Variants in SLCO4A1 observed in about 807,000 individuals in gnomAD.
The protein encoded by SLCO4A1 is solute carrier organic anion transporter family member 4A1, also known as colon organic anion transporter.
A neutral mutation model predicts 64.6 loss-of-function variants in SLCO4A1; 51 were observed. The ratio of observed to expected loss-of-function variants is 0.79; its 90% CI spans 0.63 to 1.00. SLCO4A1 has a LOEUF of 1.00. SLCO4A1 is among the 50% of genes least tolerant of loss of function. SLCO4A1 has a pLI of 0.00. For synonymous variants in SLCO4A1, 471 were observed against 444.9 expected (o/e 1.06, Z -0.74); for missense variants, 919 against 980.5 (o/e 0.94, Z 0.84).
intron 2 of SLCO4A1, among the ~76,000 whole-genome samples, chr20:62,682,886 G>A (rs1406533889): frequency 6.6e-6 from 1 of 152,182 alleles, no homozygotes; most frequent in Non-Finnish European, 1.5e-5. Flanking sequence ...AGAGCTCTGG[G>A]GACACAGCTG....
chr20:62,654,460 G>A (rs931692594), intron 1 of SLCO4A1, among the ~76,000 whole-genome samples: 13 of 151,948 alleles, frequency 8.6e-5, no homozygotes, highest in African/African-American at 3.1e-4. Context: ...GGAGGATCCT[G>A]GGGTATCACC....
intron 1 of SLCO4A1, among the ~76,000 whole-genome samples, chr20:62,646,471 CACTT>C (rs1016963711): frequency 4.1e-4 from 62 of 152,388 alleles, no homozygotes; most frequent in African/African-American, 1.4e-3. Flanking sequence ...GTTGTGGCAT[CACTT>C]ACGCCTTCAC....
chr20:62,658,673 G>A lies in SLCO4A1; in HGVS notation c.797-4G>A, dbSNP rs754975937. 1.6e-5 allele frequency: 26 copies of A among 1,608,042 alleles called. No homozygotes were observed. Among genetic ancestry groups the A allele is most frequent in the Admixed American group, 5.0e-5 (3 of 59,514 alleles). On this transcript the variant is annotated splice_region_variant and splice_polypyrimidine_tract_variant and intron_variant, in intron 2 of 11. Transcript: ENST00000217159. Reference sequence around the variant, plus strand: ...CGGCCCTGACGCCTCTGCCTCTCTCGCAGCCATCTTCTACACAGCGGCCAT... The same window carrying A: ...CGGCCCTGACGCCTCTGCCTCTCTCACAGCCATCTTCTACACAGCGGCCAT...
At chr20:62,689,853 C>T (rs1988174668), downstream of SLCO4A1, among the ~76,000 whole-genome samples, 5 of 152,332 alleles carry the variant, frequency 3.3e-5, no homozygotes, top group South Asian at 1.0e-3. Flanking sequence ...ATGTCTGGGG[C>T]CGAGGAAGGG....
At chr20:62,684,230 C>A (rs1240546957) in intron 2 of SLCO4A1, among the ~76,000 whole-genome samples, 2 of 152,244 alleles carry the variant, frequency 1.3e-5, no homozygotes, top group African/African-American at 4.8e-5. Flanking sequence ...TTCTACTTAA[C>A]CTTTCTGTGC....
chr20:62,642,507 C>A lies in SLCO4A1; in HGVS notation c.-143C>A, dbSNP rs1260217624. ...CGCGTGGCTGCCGGGGAGGCCAGAG[C>A]GTGGAGCGCTGCGCGGCGCGGCGGC... On this transcript the variant is annotated 5_prime_UTR_variant, in exon 1 of 12. Coordinates refer to ENST00000217159, the MANE Select transcript of SLCO4A1 (RefSeq NM_016354.4). 4.4e-6 allele frequency: 1 copy of A among 228,316 alleles called. No individual in the cohort carries two copies. The highest frequency in any genetic ancestry group is 8.9e-6 in the Non-Finnish European group (1 of 112,832). 14.1% of individuals were successfully genotyped at this position (228,316 alleles called of 1,614,324 possible).
chr20:62,647,925 C>G (rs1444567998), intron 1 of SLCO4A1, among the ~76,000 whole-genome samples: 4 of 152,248 alleles, frequency 2.6e-5, no homozygotes, highest in African/African-American at 9.6e-5. Flanking sequence ...TCAGGGCCTC[C>G]TATCCCGGAG....
At chr20:62,689,578 C>G (rs149280615), downstream of SLCO4A1, among the ~76,000 whole-genome samples, 421 of 152,190 alleles carry the variant, frequency 2.8e-3, 1 homozygote, top group African/African-American at 9.3e-3. Flanking sequence ...CAGGGCCCAG[C>G]GAGCCGGGTG....
At chr20:62,643,437 C>T (rs945266917) in intron 1 of SLCO4A1, 1 of 167,568 alleles carries the variant, frequency 6.0e-6, no homozygotes, top group Admixed American at 6.3e-5. Context: ...AGCTAGGTTT[C>T]CGCGTGGTCC....
intron 1 of SLCO4A1, chr20:62,650,649 C>T (rs961912684): frequency 2.0e-5 from 3 of 152,234 alleles, no homozygotes; most frequent in Non-Finnish European, 4.4e-5. Context: ...CGCGGGTGGT[C>T]CTCATGGGCC....
downstream of SLCO4A1, among the ~76,000 whole-genome samples, chr20:62,686,701 T>A (rs545327719): frequency 2.4e-4 from 37 of 152,364 alleles, no homozygotes; most frequent in African/African-American, 7.9e-4. Context: ...CCCTTTAGTC[T>A]GAATTAGTAT....
At position 62,667,866 on chromosome 20, in the gene SLCO4A1, G is replaced by A. The variant is rs148294177; in HGVS notation, c.1594G>A (p.Ala532Thr). Residue 532 changes from alanine to threonine, a missense_variant, in exon 8 of 12, where the codon GCA becomes ACA. Physicochemically the swap from Ala to Thr is moderately conservative, Grantham distance 58 (BLOSUM62 0). Transcript: ENST00000217159. ...DGLMYFSLCH[A>T]GCPAATETNV... is the part of the protein sequence containing the mutation. ...CCTCATGTACTTCTCACTGTGCCAC[G>A]CAGGGTGCCCTGCAGCCACGGAGAC... 191 of 1,613,626 alleles carry A rather than the reference G, an allele frequency of 1.2e-4. 2 individuals carry two copies. Among genetic ancestry groups the A allele is most frequent in the Admixed American group, 9.2e-4 (55 of 60,016 alleles).
chr20:62,660,541 T>TC lies in SLCO4A1; in HGVS notation c.1009+11dup, dbSNP rs1984582774. On this transcript the variant is annotated intron_variant, in intron 4 of 11. Transcript: ENST00000217159. The stretch of plus-strand genomic sequence containing the variant: ...ACCCTCGGCAGCTGCCAGGTGGGTT[T>TC]CCCTTCCCCAGCCCAGCCTTCACAT... 3.7e-6 allele frequency: 6 copies of TC among 1,604,044 alleles called. No homozygotes were observed. The highest frequency in any genetic ancestry group is 5.1e-6 in the Non-Finnish European group (6 of 1,179,886).
At position 62,671,822 on chromosome 20, in the gene SLCO4A1, G is replaced by C. The variant is rs1987264464; in HGVS notation, c.2098G>C (p.Glu700Gln). 1 of 1,613,390 alleles carries C rather than the reference G, an allele frequency of 6.2e-7. No individual in the cohort carries two copies. Among genetic ancestry groups the C allele is most frequent in the South Asian group, 1.1e-5 (1 of 91,092 alleles). ...CCTGTCGGAGTCTTCAGATGGCCTG[G>C]AAACTTGTCTGCCCAGCCAGTCCTC... ...KPLSESSDGL[E>Q]TCLPSQSSAP... is the part of the protein sequence containing the mutation. The change falls in exon 12 of 12, where the codon GAA becomes CAA. Residue 700 changes from glutamate to glutamine, a missense_variant. Coordinates refer to ENST00000217159, the MANE Select transcript of SLCO4A1 (RefSeq NM_016354.4).
chr20:62,646,617 C>T (rs56200423), intron 1 of SLCO4A1, among the ~76,000 whole-genome samples: 7,012 of 152,338 alleles, frequency 0.046, 237 homozygotes, highest in African/African-American at 0.097. Context: ...CTGCAGGGCT[C>T]CGGGGCCGGA....
At chr20:62,643,218 A>C in intron 1 of SLCO4A1, 1 of 342,406 alleles carries the variant, frequency 2.9e-6, no homozygotes, top group Non-Finnish European at 5.9e-6. Context: ...GCTTGGGGGG[A>C]CCCGGGCGCC....
At chr20:62,688,450 C>G (rs1466973951), downstream of SLCO4A1, among the ~76,000 whole-genome samples, 5 of 152,230 alleles carry the variant, frequency 3.3e-5, no homozygotes, top group African/African-American at 4.8e-5. Context: ...GTAGCCCCAC[C>G]AGGTTCTTAA....
At chr20:62,651,728 G>C (rs1419444848) in intron 1 of SLCO4A1, 1 of 152,158 alleles carries the variant, frequency 6.6e-6, no homozygotes, top group Non-Finnish European at 1.5e-5. Flanking sequence ...CTGTTTCTCT[G>C]TGGCCATTGC....
chr20:62,670,691 G>C (rs775788406), intron 11 of SLCO4A1, among the ~76,000 whole-genome samples: 8 of 152,238 alleles, frequency 5.3e-5, no homozygotes, highest in Non-Finnish European at 1.2e-4. Context: ...CAGGCTGAGA[G>C]CCCTCCACAC....
Sources: gnomAD v4.1 joint callset for allele counts (sites outside exome capture counted in the v4.1 genomes callset) on GRCh38, gnomAD v4.1.1 for gene constraint, MANE v1.5 for transcripts, NCBI Gene and HGNC (gene_info 2026-07-23, HGNC 2026-07-21) for gene names.